Variants in CPB2 observed in about 807,000 individuals in gnomAD.
The protein encoded by CPB2 is carboxypeptidase B2, also known as carboxypeptidase B-like protein.
In CPB2, 54 loss-of-function variants were observed where a neutral mutation model predicts 57.0. The observed-to-expected ratio is 0.95, with a 90% CI of 0.76 to 1.19. CPB2 has a LOEUF of 1.19. CPB2 is among the 50% of genes most tolerant of loss of function. The pLI, the probability that CPB2 is intolerant of heterozygous loss-of-function variation, is 0.00. For synonymous variants in CPB2, 189 were observed against 178.1 expected (o/e 1.06, Z -0.49); for missense variants, 426 against 512.0 (o/e 0.83, Z 1.62).
intron 10 of CPB2, among the ~76,000 whole-genome samples, chr13:46,054,694 T>C (rs1042244081): frequency 1.3e-5 from 2 of 151,936 alleles, no homozygotes; most frequent in African/African-American, 4.8e-5. Flanking sequence ...AGAAGACTTG[T>C]TACAGTTTAA....
chr13:46,093,644 AAGTT>A (rs1390865212), intron 1 of CPB2, among the ~76,000 whole-genome samples: 1 of 152,182 alleles, frequency 6.6e-6, no homozygotes, highest in Non-Finnish European at 1.5e-5. Flanking sequence ...TTTGGAAAAA[AAGTT>A]AGAAAGATAA....
chr13:46,081,084 C>T (rs1593903700), intron 4 of CPB2, among the ~76,000 whole-genome samples: 1 of 151,670 alleles, frequency 6.6e-6, no homozygotes, highest in African/African-American at 2.4e-5. Flanking sequence ...CCTACTGACA[C>T]CTTGATCTTC....
chr13:46,103,622 C>T (rs138567447), intron 1 of CPB2, among the ~76,000 whole-genome samples: 1 of 152,302 alleles, frequency 6.6e-6, no homozygotes, highest in East Asian at 1.9e-4. Context: ...AAAGAGATAA[C>T]ATTTCTAAGT....
chr13:46,068,233 A>C (rs531258399), intron 6 of CPB2, among the ~76,000 whole-genome samples: 1 of 152,206 alleles, frequency 6.6e-6, no homozygotes, highest in Non-Finnish European at 1.5e-5. Context: ...TTAGTTTATA[A>C]TTGTTTGTTG....
At chr13:46,091,679 T>A (rs9567621) in intron 1 of CPB2, among the ~76,000 whole-genome samples, 1 of 152,106 alleles carries the variant, frequency 6.6e-6, no homozygotes, top group East Asian at 1.9e-4. Flanking sequence ...GTTTTCTCAC[T>A]TTTGCTTTGT....
At chr13:46,095,139 T>C (rs2045347579) in intron 1 of CPB2, 1 of 152,106 alleles carries the variant, frequency 6.6e-6, no homozygotes. Context: ...GGGTGCACCA[T>C]GTTAATGGAT....
intron 1 of CPB2, chr13:46,098,548 G>A (rs143341760): frequency 6.6e-6 from 1 of 152,386 alleles, no homozygotes; most frequent in East Asian, 1.9e-4. Flanking sequence ...TATTTCCTCA[G>A]CTTCTTTGTC....
At chr13:46,063,659 G>A (rs533673997) in intron 8 of CPB2, among the ~76,000 whole-genome samples, 3 of 152,006 alleles carry the variant, frequency 2.0e-5, no homozygotes, top group South Asian at 2.1e-4. Context: ...TGGGTAGATC[G>A]ATTCATTTTC....
In CPB2 at chr13:46,053,802, AAAGAAG is replaced by A. The variant is rs752518978; in HGVS notation, c.1088-10_1088-5del. 48 of 1,608,158 alleles carry A rather than the reference AAAGAAG, an allele frequency of 3.0e-5. No individual in the cohort carries two copies. Among genetic ancestry groups the A allele is most frequent in the Non-Finnish European group, 3.7e-5 (43 of 1,176,500 alleles). On this transcript the variant is annotated splice_polypyrimidine_tract_variant and splice_region_variant and intron_variant, in intron 10 of 10. Transcript: ENST00000181383. The stretch of plus-strand genomic sequence containing the variant: ...TCCCCACCTCCAGGAGCTAGGTCTA[AAAGAAG>A]AAGAAAGAAATTGTTGAAATACAGA...
At chr13:46,090,945 C>T (rs570551699) in intron 1 of CPB2, among the ~76,000 whole-genome samples, 11 of 152,028 alleles carry the variant, frequency 7.2e-5, no homozygotes, top group African/African-American at 2.2e-4. Flanking sequence ...AGGCTGGTCT[C>T]GAACTCCTGA....
At chr13:46,059,364 C>T (rs1432096056) in intron 8 of CPB2, among the ~76,000 whole-genome samples, 1 of 151,926 alleles carries the variant, frequency 6.6e-6, no homozygotes, top group Non-Finnish European at 1.5e-5. Context: ...TGTTAAGCAC[C>T]CAATTACTTG....
chr13:46,064,104 T>A (rs1039343739), intron 8 of CPB2, among the ~76,000 whole-genome samples: 2 of 151,672 alleles, frequency 1.3e-5, no homozygotes, highest in Non-Finnish European at 2.9e-5. Flanking sequence ...CTAAAAAAAA[T>A]ACAAAAATTA....
chr13:46,066,646 C>T lies in CPB2; in HGVS notation c.702+661G>A, dbSNP rs546535234. Among the ~76,000 whole-genome samples the T allele has an allele frequency of 4.6e-5, 7 of 151,990 alleles. No homozygotes were observed. In the South Asian group the frequency reaches 1.5e-3, roughly 32 times the overall value. On this transcript the variant is annotated intron_variant, in intron 7 of 10. Coordinates refer to ENST00000181383, the MANE Select transcript of CPB2 (RefSeq NM_001872.5). ...CATCACAAGGGCAGGAGTTTGAGAC[C>T]AGCCTGGCCAATATGGTGAAACCCT...
intron 1 of CPB2, among the ~76,000 whole-genome samples, chr13:46,091,189 G>A (rs1362118421): frequency 1.3e-5 from 2 of 152,124 alleles, no homozygotes; most frequent in Admixed American, 1.3e-4. Flanking sequence ...GATAATTTTG[G>A]TATAGATATT....
At chr13:46,064,802 C>A in intron 7 of CPB2, 61 bp from the exon 8 acceptor site, 1 of 1,355,628 alleles carries the variant, frequency 7.4e-7, no homozygotes, top group Non-Finnish European at 1.1e-6. Flanking sequence ...TGAGGAAAGA[C>A]ATGCATTTGA....
intron 1 of CPB2, among the ~76,000 whole-genome samples, chr13:46,088,351 G>A (rs896078122): frequency 1.3e-5 from 2 of 152,174 alleles, no homozygotes; most frequent in African/African-American, 4.8e-5. Flanking sequence ...ACACATGTAT[G>A]TGTGAATTCT....
At chr13:46,082,190 G>A (rs909326390) in intron 4 of CPB2, among the ~76,000 whole-genome samples, 1 of 152,146 alleles carries the variant, frequency 6.6e-6, no homozygotes, top group African/African-American at 2.4e-5. Context: ...ATAGCATAAA[G>A]TGTTATTCCC....
chr13:46,068,838 A>G (rs943377248), intron 6 of CPB2, among the ~76,000 whole-genome samples: 2 of 152,202 alleles, frequency 1.3e-5, no homozygotes, highest in Non-Finnish European at 2.9e-5. Flanking sequence ...GATGGTTTCC[A>G]GGGAAGCCAT....
intron 1 of CPB2, among the ~76,000 whole-genome samples, chr13:46,096,055 A>G (rs1442207337): frequency 6.6e-6 from 1 of 151,580 alleles, no homozygotes; most frequent in South Asian, 2.1e-4. Context: ...TAATTTTTGT[A>G]TTTTTAGTAA....
Sources: gnomAD v4.1 joint callset for allele counts (sites outside exome capture counted in the v4.1 genomes callset) on GRCh38, gnomAD v4.1.1 for gene constraint, MANE v1.5 for transcripts, NCBI Gene and HGNC (gene_info 2026-07-23, HGNC 2026-07-21) for gene names.